SAMD8: variants seen among roughly 807,000 people sequenced by gnomAD.
The protein encoded by SAMD8 is sterile alpha motif domain containing 8, also known as sphingomyelin synthase-related protein 1.
Under a neutral mutation model 42.0 loss-of-function variants are expected in SAMD8, and 20 were observed. The observed-to-expected ratio is 0.48, with a 90% CI of 0.34 to 0.69. The LOEUF is 0.69. Among genes scored for constraint, SAMD8 ranks in the 30% least tolerant of loss-of-function variants. The pLI, the probability that SAMD8 is intolerant of heterozygous loss-of-function variation, is 0.01. For synonymous variants in SAMD8, 162 were observed against 173.0 expected, an observed-to-expected ratio of 0.94 and a Z score of 0.50; for missense variants, 328 against 511.6, an observed-to-expected ratio of 0.64 and a Z score of 3.46.
At chr10:75,130,551 G>A (rs1719599569) in intron 1 of SAMD8, among the ~76,000 whole-genome samples, 1 of 152,060 alleles carries the variant, frequency 6.6e-6, no homozygotes, top group Non-Finnish European at 1.5e-5. Flanking sequence ...TCTCTGGTAG[G>A]ATTTAGTAGC....
chr10:75,130,083 T>C (rs985252275), intron 1 of SAMD8, among the ~76,000 whole-genome samples: 1 of 152,178 alleles, frequency 6.6e-6, no homozygotes, highest in Non-Finnish European at 1.5e-5. Flanking sequence ...ATTTAGGAAG[T>C]TGTCATTATT....
At chr10:75,145,658 T>C (rs894404999) in intron 1 of SAMD8, among the ~76,000 whole-genome samples, 3 of 152,162 alleles carry the variant, frequency 2.0e-5, no homozygotes, top group Non-Finnish European at 4.4e-5. Context: ...GCCAAATAAT[T>C]CTTTGTTGGG....
At chr10:75,137,018 G>A (rs1410368176) in intron 1 of SAMD8, among the ~76,000 whole-genome samples, 2 of 152,090 alleles carry the variant, frequency 1.3e-5, no homozygotes, top group African/African-American at 4.8e-5. Flanking sequence ...AAATGATATG[G>A]TGACTCCTCA....
intron 2 of SAMD8, among the ~76,000 whole-genome samples, chr10:75,163,742 C>T (rs1359465938): frequency 6.6e-6 from 1 of 152,138 alleles, no homozygotes; most frequent in African/African-American, 2.4e-5. Context: ...TCCACCATGC[C>T]CAGCCTCTTT....
At chr10:75,108,013 G>A (rs779573053), upstream of SAMD8, 15 of 1,612,978 alleles carry the variant, frequency 9.3e-6, 1 homozygote, top group African/African-American at 8.0e-5. Flanking sequence ...TTGAGGGCAC[G>A]GTGGATGAAG....
At chr10:75,124,995 C>T (rs1849097734) in intron 1 of SAMD8, among the ~76,000 whole-genome samples, 1 of 151,924 alleles carries the variant, frequency 6.6e-6, no homozygotes, top group Admixed American at 6.6e-5. Context: ...CGATGTTGCC[C>T]AGGCTGGTTT....
At chr10:75,114,332 C>CAAAA (rs34696129) in intron 1 of SAMD8, among the ~76,000 whole-genome samples, 8 of 134,656 alleles carry the variant, frequency 5.9e-5, no homozygotes, top group Non-Finnish European at 9.8e-5. Context: ...TGATATGTCT[C>CAAAA]AAAAAAAAAA....
chr10:75,144,431 C>T (rs890268104), intron 1 of SAMD8, among the ~76,000 whole-genome samples: 1 of 151,896 alleles, frequency 6.6e-6, no homozygotes, highest in Non-Finnish European at 1.5e-5. Context: ...TGACAGCCAC[C>T]ATTCTACTTT....
At chr10:75,174,973 C>CA (rs1284619666) in intron 4 of SAMD8, among the ~76,000 whole-genome samples, 2 of 151,930 alleles carry the variant, frequency 1.3e-5, no homozygotes, top group Non-Finnish European at 2.9e-5. Context: ...CGAAGTCATC[C>CA]AAAAAAACCC....
intron 1 of SAMD8, among the ~76,000 whole-genome samples, chr10:75,106,212 G>C (rs1848499658): frequency 6.6e-6 from 1 of 150,556 alleles, no homozygotes; most frequent in Non-Finnish European, 1.5e-5. Context: ...AAAGTGTTGG[G>C]ATTACAGGCG....
At chr10:75,152,627 A>G (rs1840319410) in intron 2 of SAMD8, among the ~76,000 whole-genome samples, 1 of 151,820 alleles carries the variant, frequency 6.6e-6, no homozygotes. Flanking sequence ...CCCAGGTGGG[A>G]GGATTGCTTG....
intron 1 of SAMD8, among the ~76,000 whole-genome samples, chr10:75,113,018 C>T (rs996977072): frequency 1.8e-4 from 27 of 152,134 alleles, no homozygotes; most frequent in Admixed American, 3.3e-4. Flanking sequence ...ATTGGCAAAA[C>T]CAATATTGAA....
At chr10:75,104,626 T>C (rs144902338) in intron 1 of SAMD8, among the ~76,000 whole-genome samples, 16 of 152,140 alleles carry the variant, frequency 1.1e-4, no homozygotes, top group Non-Finnish European at 1.8e-4. Flanking sequence ...TGCCATTCCA[T>C]GGGAAACATG....
intron 1 of SAMD8, among the ~76,000 whole-genome samples, chr10:75,120,476 A>C (rs978166007): frequency 6.6e-6 from 1 of 151,770 alleles, no homozygotes; most frequent in African/African-American, 2.4e-5. Flanking sequence ...TCACCGTGTT[A>C]GCCAGGATGG....
rs141490960 is a variant in SAMD8 at position 75,101,876 on chromosome 10, T to C, written c.-16+2148T>C. 8 of 1,365,068 alleles carry C rather than the reference T, an allele frequency of 5.9e-6. No individual in the cohort carries two copies. In the African/African-American group the frequency reaches 1.2e-4, roughly 20 times the overall value. The allele number at this position is 1,365,068 out of a possible 1,614,324, so 84.6% of individuals were successfully genotyped here. On this transcript the variant is annotated intron_variant, in intron 1 of 3. Transcript: ENST00000447533. ...AGGAGCACTCACCCACCTGTGGGAG[T>C]ATCTGGCCCAGGCTGTGCACTTCTC... is the stretch of plus-strand genomic sequence containing the variant.
chr10:75,164,919 A>G (rs1349196130), intron 3 of SAMD8, among the ~76,000 whole-genome samples, 179 bp downstream of exon 3: 1 of 152,232 alleles, frequency 6.6e-6, no homozygotes, highest in Admixed American at 6.5e-5. Context: ...TAATATCTAC[A>G]TATTTAGTAA....
intron 1 of SAMD8, among the ~76,000 whole-genome samples, chr10:75,124,258 A>G (rs1313716571): frequency 6.6e-6 from 1 of 152,126 alleles, no homozygotes. Context: ...CCATAGAGTA[A>G]TAGGAAAAAG....
chr10:75,104,046 G>T, intron 1 of SAMD8: 1 of 1,363,138 alleles, frequency 7.3e-7, no homozygotes, highest in Non-Finnish European at 9.8e-7. Flanking sequence ...AGCAGGATCA[G>T]TGCCAGGGTG....
intron 1 of SAMD8, among the ~76,000 whole-genome samples, chr10:75,133,378 G>A (rs1165591240): frequency 6.6e-6 from 1 of 152,134 alleles, no homozygotes; most frequent in Non-Finnish European, 1.5e-5. Flanking sequence ...ACTCCAGCCT[G>A]GATTACACAG....
Sources: allele counts gnomAD v4.1 joint callset (sites outside exome capture counted in the v4.1 genomes callset), GRCh38; gene constraint gnomAD v4.1.1; transcripts MANE v1.5; gene names NCBI Gene and HGNC (gene_info 2026-07-23, HGNC 2026-07-21).